PDE4D: variants seen among roughly 807,000 people sequenced by gnomAD.
PDE4D encodes the protein 3',5'-cyclic-AMP phosphodiesterase 4D.
Under a neutral mutation model 87.4 loss-of-function variants are expected in PDE4D, and 24 were observed. That is an observed-to-expected ratio of 0.27 (90% CI 0.20 to 0.39). The LOEUF (loss-of-function observed/expected upper bound fraction) is 0.39, where lower values mean the gene tolerates loss of function less well. Ranked by LOEUF, PDE4D falls within the 10% of genes least tolerant of loss-of-function variation. The pLI, the probability that PDE4D is intolerant of heterozygous loss-of-function variation, is 1.00. For synonymous variants in PDE4D, 384 were observed against 383.2 expected (o/e 1.00, Z -0.02); for missense variants, 714 against 1,041.0 (o/e 0.69, Z 4.32).
At chr5:59,914,068 A>G (rs1753726235) in intron 3 of PDE4D, among the ~76,000 whole-genome samples, 1 of 104,464 alleles carries the variant, frequency 9.6e-6, no homozygotes, top group Non-Finnish European at 1.9e-5. Flanking sequence ...TGAAATTGAC[A>G]TATTGACTCC....
intron 11 of PDE4D, among the ~76,000 whole-genome samples, chr5:58,986,680 C>T (rs1397250804): frequency 6.6e-6 from 1 of 152,188 alleles, no homozygotes; most frequent in Non-Finnish European, 1.5e-5. Flanking sequence ...ACCATTCTCT[C>T]CCTGCGCCCC....
intron 1 of PDE4D, among the ~76,000 whole-genome samples, chr5:59,848,937 C>T (rs1177933122): frequency 6.6e-6 from 1 of 151,922 alleles, no homozygotes. Flanking sequence ...AATATGAACT[C>T]CATGGGTGAG....
At position 59,649,904 on chromosome 5, in the gene PDE4D, CCTTTTTT is replaced by C. The variant is rs1367111720; in HGVS notation, c.455+243257_455+243263del. Among the ~76,000 whole-genome samples the C allele has an allele frequency of 4.7e-4, 35 of 73,976 alleles. 4 individuals carry two copies. The highest frequency in any genetic ancestry group is 4.1e-3 in the East Asian group (12 of 2,894). The allele number at this position is 73,976 out of a possible 152,430, so 48.5% of individuals were successfully genotyped here. ...TGTTAAAATGTTGATAGTTTGTGAACCTTTTTTTTTTTTTTTTTTTTTTTTTTTAGCA... is the reference window on the plus strand; with the variant it reads ...TGTTAAAATGTTGATAGTTTGTGAACTTTTTTTTTTTTTTTTTTTTTAGCA... On this transcript the variant is annotated intron_variant, in intron 1 of 14. Coordinates refer to ENST00000340635, the MANE Select transcript of PDE4D (RefSeq NM_001104631.2).
intron 1 of PDE4D, among the ~76,000 whole-genome samples, chr5:60,213,626 A>T (rs1223202764): frequency 1.3e-5 from 2 of 152,054 alleles, no homozygotes; most frequent in Non-Finnish European, 2.9e-5. Context: ...AACAGAATAA[A>T]TTTTTTTTAA....
intron 1 of PDE4D, among the ~76,000 whole-genome samples, chr5:59,632,155 A>C (rs1326075587): frequency 6.6e-6 from 1 of 152,196 alleles, no homozygotes; most frequent in East Asian, 1.9e-4. Flanking sequence ...AGCCCACCGC[A>C]GCTCCACAAA....
At chr5:58,980,552 A>ATATAGATCAATTGTGCTC (rs1744867666) in intron 11 of PDE4D, among the ~76,000 whole-genome samples, 1 of 152,182 alleles carries the variant, frequency 6.6e-6, no homozygotes, top group Non-Finnish European at 1.5e-5. Context: ...ATTTTATTAT[A>ATATAGATCAATTGTGCTC]TATAGATCAA....
At chr5:59,200,121 G>A (rs1173204374) in intron 2 of PDE4D, among the ~76,000 whole-genome samples, 1 of 146,314 alleles carries the variant, frequency 6.8e-6, no homozygotes, top group African/African-American at 2.7e-5. Flanking sequence ...ACACATACAT[G>A]CATGTAGACA....
chr5:59,685,747 T>C (rs577881687), intron 1 of PDE4D, among the ~76,000 whole-genome samples: 2 of 152,232 alleles, frequency 1.3e-5, no homozygotes, highest in East Asian at 3.9e-4. Flanking sequence ...GCCAAAGATT[T>C]GAAACAGAGA....
At chr5:59,990,076 A>C (rs1028837552) in intron 2 of PDE4D, among the ~76,000 whole-genome samples, 4 of 152,156 alleles carry the variant, frequency 2.6e-5, no homozygotes, top group Non-Finnish European at 5.9e-5. Context: ...ATATTTCTCA[A>C]AATTAACCAG....
At chr5:60,103,850 T>A (rs1776519111) in intron 2 of PDE4D, among the ~76,000 whole-genome samples, 1 of 151,574 alleles carries the variant, frequency 6.6e-6, no homozygotes, top group Non-Finnish European at 1.5e-5. Flanking sequence ...TTAAAAAAAT[T>A]AAAAACCTGA....
At chr5:59,214,998 G>A (rs1032824412) in intron 2 of PDE4D, among the ~76,000 whole-genome samples, 3 of 152,166 alleles carry the variant, frequency 2.0e-5, no homozygotes, top group Non-Finnish European at 4.4e-5. Flanking sequence ...TATAGACCAA[G>A]AGAGAAAGAT....
chr5:59,762,258 A>G (rs974403633), intron 1 of PDE4D, among the ~76,000 whole-genome samples: 25 of 113,796 alleles, frequency 2.2e-4, no homozygotes, highest in Non-Finnish European at 3.5e-4. Flanking sequence ...GGGTACACAT[A>G]TGCGTATATG....
chr5:59,061,870 G>A (rs973190452), intron 5 of PDE4D, among the ~76,000 whole-genome samples: 3 of 152,098 alleles, frequency 2.0e-5, no homozygotes, highest in African/African-American at 7.2e-5. Flanking sequence ...AAGATAGCAA[G>A]TATAAAACGG....
intron 1 of PDE4D, among the ~76,000 whole-genome samples, chr5:59,831,193 G>C (rs1741146549): frequency 6.6e-6 from 1 of 151,872 alleles, no homozygotes; most frequent in African/African-American, 2.4e-5. Flanking sequence ...GAAAACACTA[G>C]AATAGAAAAA....
chr5:58,976,620 G>GTCTT, intron 12 of PDE4D, 148 bp from the exon 13 acceptor site: 1 of 662,012 alleles, frequency 1.5e-6, no homozygotes, highest in Non-Finnish European at 2.5e-6. Context: ...TGGGGGCAGA[G>GTCTT]TCTTTTCCCC....
intron 2 of PDE4D, among the ~76,000 whole-genome samples, chr5:60,182,277 T>C (rs1280192507): frequency 6.6e-6 from 1 of 152,058 alleles, no homozygotes; most frequent in Non-Finnish European, 1.5e-5. Flanking sequence ...ATTTAGAAAA[T>C]AAGAAATGAA....
chr5:59,397,316 C>T (rs1390478797), intron 1 of PDE4D, among the ~76,000 whole-genome samples: 2 of 124,678 alleles, frequency 1.6e-5, no homozygotes, highest in African/African-American at 6.4e-5. Context: ...CCAAAATTGA[C>T]CATTTACTTG....
intron 3 of PDE4D, among the ~76,000 whole-genome samples, chr5:59,952,350 T>C (rs928084523): frequency 6.6e-6 from 1 of 152,098 alleles, no homozygotes; most frequent in Non-Finnish European, 1.5e-5. Context: ...CCACAGTCCG[T>C]AAAATTCTCA....
intron 1 of PDE4D, among the ~76,000 whole-genome samples, chr5:60,247,325 A>T (rs538679759): frequency 3.9e-5 from 6 of 152,012 alleles, no homozygotes; most frequent in Non-Finnish European, 5.9e-5. Context: ...AAGATTAGAC[A>T]TGCAGTATTT....
Sources: gnomAD v4.1 joint callset for allele counts (sites outside exome capture counted in the v4.1 genomes callset) on GRCh38, gnomAD v4.1.1 for gene constraint, MANE v1.5 for transcripts, NCBI Gene and HGNC (gene_info 2026-07-23, HGNC 2026-07-21) for gene names.